Variants in UTRN observed in about 807,000 individuals in gnomAD.
The protein encoded by UTRN is utrophin.
A neutral mutation model predicts 463.9 loss-of-function variants in UTRN; 283 were observed. The ratio of observed to expected loss-of-function variants is 0.61; its 90% CI spans 0.55 to 0.67. The LOEUF is 0.67. Ranked by LOEUF, UTRN falls within the 30% of genes least tolerant of loss-of-function variation. UTRN has a pLI of 0.00. For synonymous variants in UTRN, 1,442 were observed against 1,431.5 expected (o/e 1.01, Z -0.17); for missense variants, 3,922 against 4,084.3 (o/e 0.96, Z 1.08).
intron 50 of UTRN, among the ~76,000 whole-genome samples, chr6:144,561,313 T>TACACATATATGTGTGTGTTTATAC: frequency 6.9e-6 from 1 of 144,782 alleles, no homozygotes; most frequent in Admixed American, 7.0e-5. Context: ...TATATATACA[T>TACACATATATGTGTGTGTTTATAC]ACACATATAT....
chr6:144,562,011 G>T (rs1338373556), intron 50 of UTRN, among the ~76,000 whole-genome samples: 1 of 151,970 alleles, frequency 6.6e-6, no homozygotes, highest in Non-Finnish European at 1.5e-5. Context: ...TTTTCTGAGT[G>T]CAGTATAGAT....
chr6:144,452,945 G>GAAAAAAAAA (rs1175934612), intron 18 of UTRN, among the ~76,000 whole-genome samples: 1 of 69,804 alleles, frequency 1.4e-5, no homozygotes. Flanking sequence ...CTGCCTCAAA[G>GAAAAAAAAA]AAAAAAAAAA....
At chr6:144,698,629 G>A (rs770547148) in intron 52 of UTRN, among the ~76,000 whole-genome samples, 3 of 152,168 alleles carry the variant, frequency 2.0e-5, no homozygotes, top group African/African-American at 4.8e-5. Context: ...TCCTTGAGTC[G>A]CTGGAGTTGT....
rs1226666184 is a variant in UTRN, at chr6:144,286,936, G to A, written c.-93+1115G>A. On this transcript the variant is annotated intron_variant, in intron 1 of 74. Transcript: ENST00000367545. The surrounding 1 kb of genome is among the most constrained non-coding windows in gnomAD (Gnocchi z 4.4). The stretch of plus-strand genomic sequence containing the variant: ...GCCTTGCGGGCCAGTTCCCCCTGCC[G>A]CGGTTGGGAGGGTCAGTGCAGCGGT... Among the ~76,000 whole-genome samples, 2 of 151,398 alleles carry A rather than the reference G, an allele frequency of 1.3e-5. No homozygotes were observed.
intron 2 of UTRN, among the ~76,000 whole-genome samples, chr6:144,361,089 C>G (rs1779041980): frequency 6.6e-6 from 1 of 152,178 alleles, no homozygotes; most frequent in African/African-American, 2.4e-5. Context: ...AGAGACAGGA[C>G]AGTAAATATT....
intron 59 of UTRN, among the ~76,000 whole-genome samples, chr6:144,772,423 A>G (rs1235927946): frequency 6.6e-6 from 1 of 152,134 alleles, no homozygotes; most frequent in Non-Finnish European, 1.5e-5. Flanking sequence ...AAAGTAGTTA[A>G]ATTTCTAAGG....
chr6:144,647,855 T>C (rs906621772), intron 51 of UTRN, among the ~76,000 whole-genome samples: 1 of 152,232 alleles, frequency 6.6e-6, no homozygotes, highest in African/African-American at 2.4e-5. Context: ...ATGTATTTTT[T>C]CATGGTGTCT....
At chr6:144,302,745 G>T (rs1317409476) in intron 2 of UTRN, among the ~76,000 whole-genome samples, 3 of 152,208 alleles carry the variant, frequency 2.0e-5, no homozygotes, top group African/African-American at 7.2e-5. Context: ...GTCTTGCTTT[G>T]GTTGGAATGA....
chr6:144,423,370 G>A (rs1562376107), intron 4 of UTRN, among the ~76,000 whole-genome samples, 179 bp from the exon 5 acceptor site: 1 of 152,280 alleles, frequency 6.6e-6, no homozygotes, highest in Middle Eastern at 3.4e-3. Flanking sequence ...TGTTAGTTGA[G>A]GGATTTTCAT....
intron 2 of UTRN, among the ~76,000 whole-genome samples, chr6:144,331,263 A>T (rs1378935289): frequency 5.3e-5 from 8 of 152,220 alleles, no homozygotes; most frequent in African/African-American, 1.9e-4. Flanking sequence ...TTTTCTAAAT[A>T]TGATTTATTT....
intron 65 of UTRN, among the ~76,000 whole-genome samples, chr6:144,807,975 A>T (rs1193107367): frequency 1.3e-5 from 2 of 152,190 alleles, no homozygotes; most frequent in Non-Finnish European, 2.9e-5. Flanking sequence ...TTTTGAAGAA[A>T]AAACTAAGTC....
At chr6:144,660,086 T>C (rs150345409) in intron 51 of UTRN, 709 of 396,234 alleles carry the variant, frequency 1.8e-3, no homozygotes, top group Non-Finnish European at 3.2e-3. Context: ...TGATGGACCA[T>C]AGCTCAAGGG....
chr6:144,627,016 G>C (rs940250704), intron 51 of UTRN, among the ~76,000 whole-genome samples: 1 of 152,086 alleles, frequency 6.6e-6, no homozygotes, highest in Non-Finnish European at 1.5e-5. Context: ...AATAAGATTT[G>C]ATATATACAA....
rs1775857979 is a variant in UTRN at position 144,324,515 on chromosome 6, TCTGGGTTTGGCCA to T, written c.79+32609_79+32621del. On this transcript the variant is annotated intron_variant, in intron 2 of 74. Transcript: ENST00000367545. ...ATGTTATTAATATTACTGTAAAAAG[TCTGGGTTTGGCCA>T]TAAAGTATTTAGCAAGACTACCTTT... Among the ~76,000 whole-genome samples the T allele has an allele frequency of 2.0e-5, 3 of 152,320 alleles. No individual in the cohort carries two copies. In the East Asian group the frequency reaches 5.8e-4, roughly 29 times the overall value.
intron 33 of UTRN, among the ~76,000 whole-genome samples, chr6:144,494,807 T>C (rs1241553569): frequency 6.6e-6 from 1 of 152,118 alleles, no homozygotes; most frequent in Non-Finnish European, 1.5e-5. Flanking sequence ...AGGGTGCTGA[T>C]TGGTGTGTTT....
At chr6:144,841,360 G>C (rs952553413) in intron 73 of UTRN, among the ~76,000 whole-genome samples, 1 of 152,118 alleles carries the variant, frequency 6.6e-6, no homozygotes, top group Admixed American at 6.5e-5. Context: ...ATTGTATAAA[G>C]GCCAAACAAT....
At chr6:144,844,502 C>G (rs898095438) in intron 73 of UTRN, among the ~76,000 whole-genome samples, 2 of 152,180 alleles carry the variant, frequency 1.3e-5, no homozygotes, top group African/African-American at 4.8e-5. Context: ...CTCCTGGCCT[C>G]AAGTGACCCA....
At chr6:144,290,557 G>A (rs1804130557) in intron 1 of UTRN, among the ~76,000 whole-genome samples, 2 of 152,056 alleles carry the variant, frequency 1.3e-5, no homozygotes, top group Non-Finnish European at 2.9e-5. Context: ...TTGATCACTT[G>A]GTTAAGATTA....
rs192843645 is a variant in UTRN at position 144,737,483 on chromosome 6, G to C, written c.7939+6997G>C. ...AAACTGAAGCTGTGAATTATGGTGT[G>C]TGTATTTCTGAAGACAGAATATAAA... On this transcript the variant is annotated intron_variant, in intron 54 of 74. Transcript: ENST00000367545. 8.2e-5 allele frequency among the ~76,000 whole-genome samples: 12 copies of C among 146,944 alleles called. No individual in the cohort carries two copies. The East Asian group carries it at 2.3e-3, about 28-fold the overall frequency.
Sources: allele counts gnomAD v4.1 joint callset (sites outside exome capture counted in the v4.1 genomes callset), GRCh38; gene constraint gnomAD v4.1.1; non-coding constraint Gnocchi (gnomAD v3.1); transcripts MANE v1.5; gene names NCBI Gene and HGNC (gene_info 2026-07-23, HGNC 2026-07-21).